The following ROR1 variants were observed in gnomAD, a reference collection of about 807,000 sequenced individuals.
ROR1 encodes the protein ROR family WNT receptor 1.
A neutral mutation model predicts 78.8 loss-of-function variants in ROR1; 19 were observed. The observed-to-expected ratio is 0.24, with a 90% CI of 0.17 to 0.35. The LOEUF is 0.35. Ranked by LOEUF, ROR1 falls within the 10% of genes least tolerant of loss-of-function variation. The pLI is 1.00. For missense variants in ROR1, 917 were observed against 1,177.8 expected (o/e 0.78, Z 3.24); for synonymous variants, 386 against 433.6 (o/e 0.89, Z 1.36).
chr1:63,921,096 G>C (rs1372493865), intron 1 of ROR1, among the ~76,000 whole-genome samples: 3 of 152,186 alleles, frequency 2.0e-5, no homozygotes, highest in African/African-American at 7.2e-5. Context: ...AGTGCTTACT[G>C]TGTGCCAGAC....
intron 1 of ROR1, among the ~76,000 whole-genome samples, chr1:63,863,751 GTATTGTA>G (rs1645196945): frequency 6.8e-6 from 1 of 147,072 alleles, no homozygotes; most frequent in Non-Finnish European, 1.5e-5. Flanking sequence ...GTATTGTATT[GTATTGTA>G]TTGTATTGTA....
At chr1:63,905,975 A>G (rs899154221) in intron 1 of ROR1, among the ~76,000 whole-genome samples, 5 of 152,210 alleles carry the variant, frequency 3.3e-5, no homozygotes, top group Admixed American at 3.3e-4. Context: ...ATTATTACTG[A>G]TAATTAGCTA....
chr1:64,172,212 T>C (rs1029711874), intron 8 of ROR1, among the ~76,000 whole-genome samples: 1 of 152,196 alleles, frequency 6.6e-6, no homozygotes, highest in African/African-American at 2.4e-5. Context: ...GTCTCTCTTA[T>C]CAGCAGTTTA....
At chr1:64,134,300 G>A (rs933050914) in intron 4 of ROR1, among the ~76,000 whole-genome samples, 2 of 152,098 alleles carry the variant, frequency 1.3e-5, no homozygotes, top group African/African-American at 2.4e-5. Context: ...ATCAAGACTC[G>A]TTATAAGGTC....
At chr1:63,989,984 G>A (rs751046193) in intron 1 of ROR1, among the ~76,000 whole-genome samples, 13 of 152,088 alleles carry the variant, frequency 8.5e-5, no homozygotes, top group Non-Finnish European at 1.9e-4. Context: ...ATTGAGTTTA[G>A]GATCAATTAT....
chr1:64,173,478 G>GCA (rs1650295658), intron 8 of ROR1, among the ~76,000 whole-genome samples: 3 of 152,190 alleles, frequency 2.0e-5, no homozygotes, highest in Admixed American at 2.0e-4. Context: ...CTCAGGCTGA[G>GCA]CCTCCAGAGA....
chr1:64,139,267 C>G (rs1042525319), intron 5 of ROR1, among the ~76,000 whole-genome samples: 1 of 151,094 alleles, frequency 6.6e-6, no homozygotes, highest in South Asian at 2.1e-4. Context: ...GGGTATCAGC[C>G]TGGTGGAAAG....
At chr1:64,126,652 G>A (rs530958130) in intron 4 of ROR1, among the ~76,000 whole-genome samples, 2 of 152,304 alleles carry the variant, frequency 1.3e-5, no homozygotes, top group East Asian at 3.9e-4. Flanking sequence ...AACCTTGTTG[G>A]CAGCCAAAGT....
intron 1 of ROR1, among the ~76,000 whole-genome samples, chr1:63,854,095 T>C (rs1217778469): frequency 6.6e-6 from 1 of 152,222 alleles, no homozygotes; most frequent in East Asian, 1.9e-4. Context: ...TATTGCATAG[T>C]GCATGACTGC....
chr1:63,782,780 G>C (rs1196990934), intron 1 of ROR1, among the ~76,000 whole-genome samples: 2 of 152,144 alleles, frequency 1.3e-5, no homozygotes, highest in Non-Finnish European at 2.9e-5. Flanking sequence ...CTCTAGCACT[G>C]TAGAGAATCT....
intron 1 of ROR1, among the ~76,000 whole-genome samples, chr1:63,868,281 T>G (rs1645229476): frequency 1.3e-5 from 2 of 152,214 alleles, no homozygotes. Context: ...CTTACCTGTG[T>G]GCTGTTGACC....
intron 2 of ROR1, among the ~76,000 whole-genome samples, chr1:64,009,794 G>A (rs1646461447): frequency 6.6e-6 from 1 of 152,170 alleles, no homozygotes. Flanking sequence ...CGAGTATCTG[G>A]AATGTTTGTA....
chr1:63,889,103 A>G (rs969835570), intron 1 of ROR1, among the ~76,000 whole-genome samples: 8 of 152,158 alleles, frequency 5.3e-5, no homozygotes, highest in Admixed American at 1.3e-4. Context: ...TCCTTGACAT[A>G]TGAGCAAGGA....
chr1:63,792,146 A>G (rs1644730716), intron 1 of ROR1, among the ~76,000 whole-genome samples: 2 of 152,154 alleles, frequency 1.3e-5, no homozygotes, highest in African/African-American at 2.4e-5. Flanking sequence ...TTGAGCAGAG[A>G]GACCTGTGTG....
At chr1:63,996,941 A>G (rs1412930325) in intron 1 of ROR1, among the ~76,000 whole-genome samples, 1 of 152,168 alleles carries the variant, frequency 6.6e-6, no homozygotes, top group East Asian at 1.9e-4. Flanking sequence ...CAACCAGGGT[A>G]TGATTATCTC....
At chr1:63,823,799 C>T (rs986299737) in intron 1 of ROR1, among the ~76,000 whole-genome samples, 6 of 150,858 alleles carry the variant, frequency 4.0e-5, no homozygotes, top group Non-Finnish European at 7.4e-5. Context: ...CTCGATCTGT[C>T]GCCCAGGGTG....
chr1:64,143,687 C>T (rs1010410516), intron 7 of ROR1, among the ~76,000 whole-genome samples: 3 of 152,080 alleles, frequency 2.0e-5, no homozygotes, highest in African/African-American at 7.2e-5. Context: ...TGGGGAGACG[C>T]CAGGGACCCT....
intron 1 of ROR1, among the ~76,000 whole-genome samples, chr1:63,927,859 A>C (rs932487978): frequency 2.6e-5 from 4 of 152,182 alleles, no homozygotes; most frequent in Non-Finnish European, 4.4e-5. Context: ...TTAGGAGTTA[A>C]AATTTGGTTG....
chr1:64,138,662 C>T (rs1305526940), intron 5 of ROR1, among the ~76,000 whole-genome samples: 2 of 151,610 alleles, frequency 1.3e-5, no homozygotes. Context: ...TCTCCTGCAT[C>T]AGCCTCCTGG....
Sources: gnomAD v4.1 joint callset for allele counts (sites outside exome capture counted in the v4.1 genomes callset) on GRCh38, gnomAD v4.1.1 for gene constraint, MANE v1.5 for transcripts, NCBI Gene and HGNC (gene_info 2026-07-23, HGNC 2026-07-21) for gene names.